Variants in CHI3L2 observed in about 807,000 individuals in gnomAD.
The protein encoded by CHI3L2 is chitinase 3 like 2.
A neutral mutation model predicts 47.3 loss-of-function variants in CHI3L2; 47 were observed. That is an observed-to-expected ratio of 0.99 (90% CI 0.79 to 1.27). The LOEUF is 1.27. Ranked by LOEUF, CHI3L2 falls within the 50% of genes most tolerant of loss-of-function variation. CHI3L2 has a pLI of 0.00. For synonymous variants in CHI3L2, 198 were observed against 169.9 expected (o/e 1.17, Z -1.28); for missense variants, 497 against 462.1 (o/e 1.08, Z -0.69).
chr1:111,233,373 C>T (rs1659782626), intron 4 of CHI3L2, among the ~76,000 whole-genome samples: 1 of 152,290 alleles, frequency 6.6e-6, no homozygotes, highest in East Asian at 1.9e-4. Context: ...GATTAGTACC[C>T]TCAGTCCCAA....
rs762539425 is a variant in CHI3L2 at position 111,241,407 on chromosome 1, G to A, written c.999G>A (p.Trp333Ter). 6.2e-7 allele frequency: 1 copy of A among 1,607,524 alleles called. No homozygotes were observed. Among genetic ancestry groups the A allele is most frequent in the Admixed American group, 1.7e-5 (1 of 60,012 alleles). ...CCTACGCAGTCAAGGGGAACCAGTG[G>A]GTGGGCTATGATGATGTGAAGAGTA... is the stretch of plus-strand genomic sequence containing the variant. ...QVPYAVKGNQ[W>*]VGYDDVKSME... Residue 333 changes from tryptophan to a stop codon, truncating the protein, a stop_gained, in exon 9 of 11, where the codon TGG becomes TGA. Transcript: ENST00000369748. LOFTEE classifies it high-confidence loss of function.
At position 111,230,763 on chromosome 1, in the gene CHI3L2, G is replaced by A; in HGVS notation, c.92G>A (p.Cys31Tyr). ...CCAGGATCTGCCTACAAACTGGTTT[G>A]CTACTTTACCAACTGGTCCCAGGAC... ...LQGGSAYKLV[C>Y]YFTNWSQDRQ... Residue 31 changes from cysteine to tyrosine, a missense_variant, in exon 3 of 11, where the codon TGC becomes TAC. Transcript: ENST00000369748. The A allele has an allele frequency of 6.2e-7, 1 of 1,614,118 alleles. No individual in the cohort carries two copies. The highest frequency in any genetic ancestry group is 8.5e-7 in the Non-Finnish European group (1 of 1,180,028).
intron 4 of CHI3L2, 137 bp downstream of exon 4, chr1:111,231,431 A>C (rs576382950): frequency 1.7e-5 from 11 of 649,908 alleles, no homozygotes; most frequent in East Asian, 1.4e-4. Context: ...CTGATCTGAG[A>C]TTTGTCATAA....
At chr1:111,236,223 A>G (rs1319139630) in intron 7 of CHI3L2, 70 bp downstream of exon 7, 3 of 1,530,932 alleles carry the variant, frequency 2.0e-6, no homozygotes, top group Admixed American at 1.9e-5. Context: ...CAGCATGTCT[A>G]GAGTTACTTC....
At chr1:111,241,475 G>A (rs770913279) in intron 9 of CHI3L2, 32 bp downstream of exon 9, 14 of 1,059,506 alleles carry the variant, frequency 1.3e-5, no homozygotes, top group Non-Finnish European at 2.1e-5. Context: ...ACTCCTTTAG[G>A]TGGGGAATGG....
chr1:111,241,227 A>G, intron 8 of CHI3L2, 100 bp from the exon 9 acceptor site: 1 of 772,668 alleles, frequency 1.3e-6, no homozygotes, highest in Non-Finnish European at 2.4e-6. Context: ...AGGTTCTGAT[A>G]TTTTCCCCAA....
intron 1 of CHI3L2, among the ~76,000 whole-genome samples, chr1:111,228,515 T>C (rs1659594840): frequency 1.3e-5 from 2 of 152,208 alleles, no homozygotes; most frequent in Admixed American, 6.5e-5. Context: ...GAGGCCACAC[T>C]TTGGAGAAGG....
rs548435559 is a variant in CHI3L2, at chr1:111,231,661, C to G, written c.329+367C>G. On this transcript the variant is annotated intron_variant, in intron 4 of 10. Transcript: ENST00000369748. ...AATCACTTGAGGGTTTGACTTTGTG[C>G]CCCGGGGTGGGTTGGATGGGTTGCT... 1.1e-4 allele frequency among the ~76,000 whole-genome samples: 17 copies of G among 152,294 alleles called. No individual in the cohort carries two copies. In the South Asian group the frequency reaches 2.7e-3, roughly 24 times the overall value.
At chr1:111,234,564 C>G (rs1185798378) in intron 4 of CHI3L2, among the ~76,000 whole-genome samples, 1 of 152,172 alleles carries the variant, frequency 6.6e-6, no homozygotes, top group Non-Finnish European at 1.5e-5. Context: ...GAATCGGACA[C>G]TGCAAAGACA....
chr1:111,235,109 G>A (rs756486560), intron 5 of CHI3L2, 52 bp downstream of exon 5: 1 of 1,581,142 alleles, frequency 6.3e-7, no homozygotes. Context: ...GGTGTACTCA[G>A]TACTCTGATA....
chr1:111,243,179 T>C (rs1335715619), intron 10 of CHI3L2, 38 bp from the exon 11 acceptor site: 1 of 456,086 alleles, frequency 2.2e-6, no homozygotes, highest in East Asian at 6.9e-5. Flanking sequence ...CTCAGTTTAC[T>C]GAGTTGGGCT....
intron 4 of CHI3L2, among the ~76,000 whole-genome samples, chr1:111,234,406 G>A (rs1394177866): frequency 6.6e-6 from 1 of 152,134 alleles, no homozygotes; most frequent in Non-Finnish European, 1.5e-5. Context: ...GGGGCTAGAG[G>A]GATGGATTCT....
chr1:111,231,488 C>T, intron 4 of CHI3L2, 194 bp downstream of exon 4: 1 of 547,056 alleles, frequency 1.8e-6, no homozygotes, highest in African/African-American at 1.9e-5. Flanking sequence ...AGGAATTCTT[C>T]TGGAGCTTAA....
chr1:111,238,056 C>T (rs1214511759), intron 7 of CHI3L2, among the ~76,000 whole-genome samples: 1 of 152,218 alleles, frequency 6.6e-6, no homozygotes, highest in Non-Finnish European at 1.5e-5. Context: ...AACCAATTGC[C>T]AATCAAAATA....
intron 9 of CHI3L2, among the ~76,000 whole-genome samples, chr1:111,241,675 T>C (rs2101558681): frequency 6.6e-6 from 1 of 152,200 alleles, no homozygotes; most frequent in African/African-American, 2.4e-5. Context: ...AACAAGTAAG[T>C]TTATTCTGAT....
chr1:111,238,131 C>G (rs191235364), intron 7 of CHI3L2, among the ~76,000 whole-genome samples: 183 of 152,318 alleles, frequency 1.2e-3, no homozygotes, highest in African/African-American at 4.3e-3. Flanking sequence ...TGGAGTGAAC[C>G]AATGTACATC....
At chr1:111,233,348 A>AG (rs1659780985) in intron 4 of CHI3L2, among the ~76,000 whole-genome samples, 1 of 152,134 alleles carries the variant, frequency 6.6e-6, no homozygotes, top group Non-Finnish European at 1.5e-5. Context: ...TATCCCCTTG[A>AG]GGCACATGAA....
intron 4 of CHI3L2, among the ~76,000 whole-genome samples, chr1:111,233,358 A>AG (rs1659781340): frequency 6.6e-6 from 1 of 152,182 alleles, no homozygotes; most frequent in East Asian, 1.9e-4. Flanking sequence ...AGGCACATGA[A>AG]GCAGGATTAG....
At chr1:111,240,968 C>A (rs1384451474) in intron 8 of CHI3L2, among the ~76,000 whole-genome samples, 1 of 152,194 alleles carries the variant, frequency 6.6e-6, no homozygotes, top group African/African-American at 2.4e-5. Flanking sequence ...TTGATCCTAA[C>A]AACAACACTG....
Sources: gnomAD v4.1 joint callset for allele counts (sites outside exome capture counted in the v4.1 genomes callset) on GRCh38, gnomAD v4.1.1 for gene constraint, MANE v1.5 for transcripts, NCBI Gene and HGNC (gene_info 2026-07-23, HGNC 2026-07-21) for gene names.